Variants in DIP2C observed in about 807,000 individuals in gnomAD.
The protein encoded by DIP2C is DIP2 acetate--CoA ligase C (putative), also known as disco-interacting protein 2 homolog C.
DIP2C carries 33 observed loss-of-function variants against 192.4 expected under a neutral mutation model. The observed-to-expected ratio is 0.17, with a 90% confidence interval of 0.13 to 0.23. The LOEUF (loss-of-function observed/expected upper bound fraction) is 0.23. Ranked by LOEUF, DIP2C falls within the 10% of genes least tolerant of loss-of-function variation. The pLI, the probability that DIP2C is intolerant of heterozygous loss-of-function variation, is 1.00. For missense variants in DIP2C, 1,537 were observed against 2,110.1 expected (o/e 0.73, Z 5.32); for synonymous variants, 979 against 864.1 (o/e 1.13, Z -2.33).
intron 2 of DIP2C, among the ~76,000 whole-genome samples, chr10:473,189 T>G (rs1259240628): frequency 2.0e-5 from 3 of 152,174 alleles, no homozygotes; most frequent in Admixed American, 6.6e-5. Context: ...ATGGTATTGG[T>G]CAAAACATTG....
At position 296,186 on chromosome 10, in the gene DIP2C, G is replaced by C. The variant is rs532314756; in HGVS notation, c.3987-7765C>G. Among the ~76,000 whole-genome samples the C allele has an allele frequency of 2.6e-5, 4 of 152,294 alleles. No homozygotes were observed. The South Asian group carries it at 8.3e-4, about 32-fold the overall frequency. On this transcript the variant is annotated intron_variant, in intron 32 of 36. Transcript: ENST00000280886. ...TTGCTTTTGGTGTTTTAGACATGAA[G>C]TCCTTGCCCATGCCTATGTCCTGAA...
At chr10:471,529 A>G (rs1589869613) in intron 3 of DIP2C, among the ~76,000 whole-genome samples, 1 of 152,138 alleles carries the variant, frequency 6.6e-6, no homozygotes, top group African/African-American at 2.4e-5. Flanking sequence ...CCTGCTTATC[A>G]TGAAAGCTCC....
intron 17 of DIP2C, among the ~76,000 whole-genome samples, chr10:378,932 C>T (rs538419711): frequency 3.9e-5 from 6 of 152,354 alleles, no homozygotes; most frequent in East Asian, 3.9e-4. Context: ...TGAGGACAGG[C>T]GAGTCACCAG....
chr10:542,100 C>T (rs1419687662), intron 1 of DIP2C, among the ~76,000 whole-genome samples: 1 of 152,180 alleles, frequency 6.6e-6, no homozygotes, highest in Admixed American at 6.5e-5. Flanking sequence ...CCCAGAAGAC[C>T]CCTCACCAAC....
Position 565,354 on chromosome 10 carries a change from T to TAAAATAAAAA in DIP2C, c.86-78825_86-78824insTTTTTATTTT, listed in dbSNP as rs376030794. ...AAAATATGAAACAGTACCTGCATTC[T>TAAAATAAAAA]AAAAAAAAAAAAAAAAAGACCTAGA... On this transcript the variant is annotated intron_variant, in intron 1 of 36. Transcript: ENST00000280886. Among the ~76,000 whole-genome samples the TAAAATAAAAA allele has an allele frequency of 2.5e-3, 285 of 114,112 alleles. 5 individuals carry two copies. The highest frequency in any genetic ancestry group is 9.4e-3 in the African/African-American group (250 of 26,682). The allele number at this position is 114,112 out of a possible 152,430, so 74.9% of individuals were successfully genotyped here.
chr10:281,164 C>T (rs774257351), intron 36 of DIP2C, 36 bp downstream of exon 36: 11 of 1,608,768 alleles, frequency 6.8e-6, no homozygotes, highest in Non-Finnish European at 9.4e-6. Flanking sequence ...AAACTCTGCT[C>T]CTGATTTGGG....
At chr10:390,537 C>T (rs996056307) in intron 11 of DIP2C, among the ~76,000 whole-genome samples, 164 bp from the exon 12 acceptor site, 3 of 151,338 alleles carry the variant, frequency 2.0e-5, no homozygotes, top group Admixed American at 6.6e-5. Context: ...GCACCCAAGC[C>T]GCCACCATGC....
At chr10:558,740 T>A (rs865814612) in intron 1 of DIP2C, among the ~76,000 whole-genome samples, 7 of 152,282 alleles carry the variant, frequency 4.6e-5, no homozygotes, top group East Asian at 1.9e-4. Flanking sequence ...GAATCACCAA[T>A]AATTCCCATC....
chr10:341,106 G>T, intron 29 of DIP2C, 93 bp downstream of exon 29: 2 of 1,557,382 alleles, frequency 1.3e-6, no homozygotes, highest in Non-Finnish European at 1.8e-6. Context: ...GTGGGGGTGT[G>T]GGGGCAGTGC....
Position 382,743 on chromosome 10 carries a change from T to C in DIP2C, c.1895A>G (p.Asp632Gly). The C allele has an allele frequency of 6.2e-7, 1 of 1,612,950 alleles. No homozygotes were observed. Among genetic ancestry groups the C allele is most frequent in the Non-Finnish European group, 8.5e-7 (1 of 1,179,504 alleles). Residue 632 changes from aspartate (D) to glycine (G), a missense_variant, in exon 17 of 37, where the codon GAT becomes GGT. Transcript: ENST00000280886. The stretch of plus-strand genomic sequence containing the variant: ...ACTTTGGAAGACATTGAGAAATGCA[T>C]CGCAAGAAGAAATAGACCCTAGAGT... ...GANPWSISSCDAFLNVFQSKG... is the reference protein window; with the variant it reads ...GANPWSISSCGAFLNVFQSKG...
In DIP2C at chr10:283,361, C is replaced by G. The variant is rs1470989501; in HGVS notation, c.4205G>C (p.Arg1402Thr). Residue 1402 changes from arginine to threonine, a missense_variant, in exon 35 of 37, where the codon AGA becomes ACA. Around this residue, in one of 4 missense-constraint regions of DIP2C, gnomAD observed 341 missense variants for 551.7 expected, o/e 0.62. Coordinates refer to ENST00000280886, the MANE Select transcript of DIP2C (RefSeq NM_014974.3). ...GGTCTGGGTGTCTCCAAAACTTAGT[C>G]TTGAGTTGAAGTGATCTGACTGGAG... Reference protein sequence around the residue: ...ESLQSDHFNSRLSFGDTQTIW... With the variant: ...ESLQSDHFNSTLSFGDTQTIW... The G allele has an allele frequency of 6.2e-7, 1 of 1,614,162 alleles. No individual in the cohort carries two copies.
At chr10:370,147 G>T in intron 17 of DIP2C, 1 of 699,400 alleles carries the variant, frequency 1.4e-6, no homozygotes, top group Non-Finnish European at 1.8e-6. Context: ...AATTTTATAA[G>T]AATCTAAAAT....
intron 3 of DIP2C, among the ~76,000 whole-genome samples, chr10:443,875 ATTG>A (rs1967937942): frequency 6.6e-6 from 1 of 152,072 alleles, no homozygotes; most frequent in Admixed American, 6.6e-5. Context: ...TTATTTTTTC[ATTG>A]TTTTCTTTTG....
intron 1 of DIP2C, among the ~76,000 whole-genome samples, chr10:524,783 T>G (rs1014688524): frequency 2.0e-5 from 3 of 152,076 alleles, no homozygotes; most frequent in Non-Finnish European, 2.9e-5. Flanking sequence ...AGTTTAAGCA[T>G]TAGGGAGTTC....
intron 21 of DIP2C, 119 bp from the exon 22 acceptor site, chr10:362,810 C>T: frequency 8.7e-7 from 1 of 1,154,406 alleles, no homozygotes; most frequent in South Asian, 1.8e-5. Context: ...GCACTGTTCC[C>T]AGCATAAAAA....
At chr10:336,978 CTG>C (rs141349366) in intron 29 of DIP2C, among the ~76,000 whole-genome samples, 5 of 33,284 alleles carry the variant, frequency 1.5e-4, no homozygotes, top group Non-Finnish European at 1.8e-4. Flanking sequence ...GCCTAGGCAG[CTG>C]TGTGTGTGTG....
intron 4 of DIP2C, among the ~76,000 whole-genome samples, chr10:423,411 A>C (rs1023070066): frequency 1.2e-4 from 18 of 152,348 alleles, no homozygotes; most frequent in Admixed American, 1.1e-3. Context: ...GGCTCTCAGG[A>C]GTCTCAGTGT....
intron 1 of DIP2C, among the ~76,000 whole-genome samples, chr10:490,752 C>CTTCATTAAAAAAACGCCACTTATGTTATT (rs1844375498): frequency 6.6e-6 from 1 of 152,146 alleles, no homozygotes; most frequent in Admixed American, 6.5e-5. Flanking sequence ...ACATTTTCTA[C>CTTCATTAAAAAAACGCCACTTATGTTATT]TTCATTAAAA....
At chr10:372,978 A>ACTCTTT (rs1961170806) in intron 17 of DIP2C, among the ~76,000 whole-genome samples, 1 of 151,996 alleles carries the variant, frequency 6.6e-6, no homozygotes, top group South Asian at 2.1e-4. Flanking sequence ...AATGGTTCTG[A>ACTCTTT]CTCTTTCATG....
Sources: allele counts gnomAD v4.1 joint callset (sites outside exome capture counted in the v4.1 genomes callset), GRCh38; gene constraint gnomAD v4.1.1; regional missense constraint gnomAD v4.1.1; transcripts MANE v1.5; gene names NCBI Gene and HGNC (gene_info 2026-07-23, HGNC 2026-07-21).